ARID4B: variants seen among roughly 807,000 people sequenced by gnomAD.
The protein encoded by ARID4B is AT-rich interaction domain 4B.
A neutral mutation model predicts 147.5 loss-of-function variants in ARID4B; 26 were observed. The observed-to-expected ratio is 0.18, with a 90% CI of 0.13 to 0.24. The LOEUF (loss-of-function observed/expected upper bound fraction) is 0.24. Among genes scored for constraint, ARID4B ranks in the 10% least tolerant of loss-of-function variants. ARID4B has a pLI of 1.00. For missense variants in ARID4B, 1,179 were observed against 1,511.5 expected (o/e 0.78, Z 3.65); for synonymous variants, 512 against 507.9 (o/e 1.01, Z -0.11).
At chr1:235,241,901 A>C (rs1669007787) in intron 7 of ARID4B, among the ~76,000 whole-genome samples, 1 of 152,184 alleles carries the variant, frequency 6.6e-6, no homozygotes, top group Non-Finnish European at 1.5e-5. Context: ...GATCAGTCAA[A>C]TAACTTAAAA....
intron 2 of ARID4B, among the ~76,000 whole-genome samples, chr1:235,314,671 C>T (rs1339798119): frequency 2.0e-5 from 3 of 152,076 alleles, no homozygotes; most frequent in Non-Finnish European, 4.4e-5. Flanking sequence ...TTAGAAACAA[C>T]AGCAAGGTTC....
chr1:235,263,833 A>C (rs1451433172), intron 2 of ARID4B, among the ~76,000 whole-genome samples: 3 of 152,010 alleles, frequency 2.0e-5, no homozygotes, highest in Non-Finnish European at 4.4e-5. Flanking sequence ...TAAAAAAAAA[A>C]AATACAAAAA....
chr1:235,230,893 G>C (rs1396628289), intron 10 of ARID4B, among the ~76,000 whole-genome samples: 1 of 150,882 alleles, frequency 6.6e-6, no homozygotes, highest in Non-Finnish European at 1.5e-5. Context: ...ACTCCACCCT[G>C]GGCGACAGAG....
intron 2 of ARID4B, among the ~76,000 whole-genome samples, chr1:235,319,481 T>G (rs1370930896): frequency 1.3e-5 from 2 of 152,174 alleles, no homozygotes; most frequent in East Asian, 1.9e-4. Context: ...ACTACACTCC[T>G]GCCTGGGCAA....
rs1445389934 is a variant in ARID4B at position 235,168,440 on chromosome 1, A to G, written c.*85T>C. The G allele has an allele frequency of 1.4e-6, 2 of 1,423,948 alleles. No individual in the cohort carries two copies. Among genetic ancestry groups the G allele is most frequent in the Non-Finnish European group, 1.9e-6 (2 of 1,065,984 alleles). 88.2% of individuals were successfully genotyped at this position (1,423,948 alleles called of 1,614,324 possible). A position where few individuals can be genotyped will look rare whatever the true frequency, so the allele number is the denominator to read the frequency against. On this transcript the variant is annotated 3_prime_UTR_variant, in exon 24 of 24. Transcript: ENST00000264183. Reference sequence around the variant, plus strand: ...TTAAATATAAAATAGTGCTTGTCTGATATTTTTTTGTGCCACTGTGCAGTA... The same window carrying G: ...TTAAATATAAAATAGTGCTTGTCTGGTATTTTTTTGTGCCACTGTGCAGTA...
At chr1:235,177,001 T>C (rs1663932481) in intron 21 of ARID4B, 1 of 463,256 alleles carries the variant, frequency 2.2e-6, no homozygotes, top group Non-Finnish European at 4.5e-6. Context: ...ATATATATTT[T>C]CTGTGGATTG....
chr1:235,238,076 G>A (rs949126925), intron 8 of ARID4B, among the ~76,000 whole-genome samples: 4 of 150,604 alleles, frequency 2.7e-5, no homozygotes, highest in Non-Finnish European at 4.4e-5. Context: ...CCTGGGAGGC[G>A]GAGTTGCAGT....
At chr1:235,210,204 G>A (rs1351235848) in intron 17 of ARID4B, among the ~76,000 whole-genome samples, 1 of 151,930 alleles carries the variant, frequency 6.6e-6, no homozygotes, top group African/African-American at 2.4e-5. Flanking sequence ...CAGCCTGGGT[G>A]ACAGAACAAG....
chr1:235,275,690 T>C (rs983183454), intron 2 of ARID4B, among the ~76,000 whole-genome samples: 1 of 152,282 alleles, frequency 6.6e-6, no homozygotes, highest in East Asian at 1.9e-4. Context: ...CAGATGCCTA[T>C]TATCAAAATA....
intron 2 of ARID4B, among the ~76,000 whole-genome samples, chr1:235,305,475 A>G (rs1673477900): frequency 6.6e-6 from 1 of 152,226 alleles, no homozygotes; most frequent in African/African-American, 2.4e-5. Context: ...GATATATATT[A>G]AAGAGGCAGA....
chr1:235,190,004 T>C (rs994847907), intron 19 of ARID4B: 56 of 154,454 alleles, frequency 3.6e-4, no homozygotes, highest in Middle Eastern at 1.6e-3. Context: ...TGAAAGAGTC[T>C]AGCAAGTAGG....
chr1:235,249,262 G>A (rs188692880), intron 6 of ARID4B, among the ~76,000 whole-genome samples: 1 of 152,214 alleles, frequency 6.6e-6, no homozygotes. Context: ...GAACCCGGGA[G>A]GCAGAGGTTA....
chr1:235,192,640 TTTAAG>T (rs1228896620), intron 19 of ARID4B, among the ~76,000 whole-genome samples: 1 of 151,552 alleles, frequency 6.6e-6, no homozygotes, highest in African/African-American at 2.4e-5. Flanking sequence ...TGAAACCTCT[TTTAAG>T]TTATGAGAAA....
At chr1:235,272,965 G>A (rs1467526608) in intron 2 of ARID4B, among the ~76,000 whole-genome samples, 1 of 152,160 alleles carries the variant, frequency 6.6e-6, no homozygotes, top group South Asian at 2.1e-4. Flanking sequence ...AGAATGATAG[G>A]GGCATTGGTA....
chr1:235,232,465 G>A (rs1369393663), intron 9 of ARID4B, among the ~76,000 whole-genome samples: 1 of 151,258 alleles, frequency 6.6e-6, no homozygotes, highest in Non-Finnish European at 1.5e-5. Flanking sequence ...ATAAAGGTTG[G>A]ACACAGTGGC....
intron 2 of ARID4B, among the ~76,000 whole-genome samples, chr1:235,317,865 T>C (rs141682325): frequency 1.5e-4 from 23 of 152,246 alleles, no homozygotes; most frequent in African/African-American, 5.3e-4. Context: ...AACTCCTTGG[T>C]GGCCACTTGC....
intron 2 of ARID4B, among the ~76,000 whole-genome samples, chr1:235,317,359 T>C (rs2103295590): frequency 6.6e-6 from 1 of 152,314 alleles, no homozygotes; most frequent in Admixed American, 6.5e-5. Flanking sequence ...TCCTCTCCTC[T>C]GAAGCCTACA....
At position 235,324,629 on chromosome 1, in the gene ARID4B, CAAT is replaced by C. The variant is rs1675093170; in HGVS notation, c.6+2282_6+2284del. 2.0e-5 allele frequency among the ~76,000 whole-genome samples: 3 copies of C among 152,284 alleles called. No individual in the cohort carries two copies. In the South Asian group the frequency reaches 6.2e-4, roughly 32 times the overall value. On this transcript the variant is annotated intron_variant, in intron 2 of 23. Coordinates refer to ENST00000264183, the MANE Select transcript of ARID4B (RefSeq NM_016374.6). ...AAATGGCATAAAACCTTCTGTAGCT[CAAT>C]GATCATCGTAATACAGAAATTACAC... is the stretch of plus-strand genomic sequence containing the variant.
At chr1:235,260,277 A>G (rs1433359915) in intron 3 of ARID4B, among the ~76,000 whole-genome samples, 1 of 152,166 alleles carries the variant, frequency 6.6e-6, no homozygotes, top group East Asian at 1.9e-4. Flanking sequence ...GGTAGTTCCA[A>G]TTCTGCCATG....
Sources: allele counts gnomAD v4.1 joint callset (sites outside exome capture counted in the v4.1 genomes callset), GRCh38; gene constraint gnomAD v4.1.1; transcripts MANE v1.5; gene names NCBI Gene and HGNC (gene_info 2026-07-23, HGNC 2026-07-21).